Variants in MED12L observed in about 807,000 individuals in gnomAD.
MED12L encodes the protein mediator complex subunit 12L.
A neutral mutation model predicts 281.3 loss-of-function variants in MED12L; 60 were observed. That is an observed-to-expected ratio of 0.21 (90% CI 0.17 to 0.26). The LOEUF is 0.26. MED12L is among the 10% of genes least tolerant of loss of function. MED12L has a pLI of 1.00. For missense variants in MED12L, 2,146 were observed against 2,680.9 expected, an observed-to-expected ratio of 0.80 and a Z score of 4.41; for synonymous variants, 974 against 987.2, an observed-to-expected ratio of 0.99 and a Z score of 0.25.
intron 20 of MED12L, among the ~76,000 whole-genome samples, chr3:151,358,478 CT>C (rs1754207970): frequency 6.6e-6 from 1 of 152,096 alleles, no homozygotes; most frequent in Non-Finnish European, 1.5e-5. Flanking sequence ...CTTATTCATG[CT>C]GTTTAATCTA....
intron 16 of MED12L, chr3:151,213,139 C>T (rs1440161555): frequency 9.0e-6 from 5 of 557,138 alleles, no homozygotes; most frequent in Admixed American, 6.9e-5. Flanking sequence ...TTTGATGTTA[C>T]AAAAAAGCAT....
At chr3:151,162,028 C>A (rs190076660) in intron 8 of MED12L, among the ~76,000 whole-genome samples, 1 of 151,970 alleles carries the variant, frequency 6.6e-6, no homozygotes. Context: ...TTTTGAGAAA[C>A]GTGTTTATGA....
At chr3:151,194,348 G>C (rs1374381518) in intron 16 of MED12L, among the ~76,000 whole-genome samples, 1 of 152,160 alleles carries the variant, frequency 6.6e-6, no homozygotes, top group African/African-American at 2.4e-5. Flanking sequence ...TAGTCAGTAA[G>C]AGTTTTGAGG....
At chr3:151,153,445 A>G (rs1343417085) in intron 5 of MED12L, among the ~76,000 whole-genome samples, 1 of 152,160 alleles carries the variant, frequency 6.6e-6, no homozygotes, top group Admixed American at 6.5e-5. Flanking sequence ...GCCTGAATTT[A>G]GAACTGCTCT....
chr3:151,232,238 ATT>A (rs1731835967), intron 16 of MED12L, among the ~76,000 whole-genome samples: 2 of 152,164 alleles, frequency 1.3e-5, no homozygotes, highest in Non-Finnish European at 2.9e-5. Context: ...TACTTAAAAC[ATT>A]GTTTGTAGCT....
intron 16 of MED12L, 31 bp from the exon 17 acceptor site, chr3:151,350,028 A>G (rs1249530798): frequency 2.5e-6 from 4 of 1,597,982 alleles, no homozygotes; most frequent in South Asian, 1.1e-5. Context: ...CCTGCAGACA[A>G]GAGTTTCAGA....
intron 16 of MED12L, among the ~76,000 whole-genome samples, chr3:151,235,032 G>A (rs780019784): frequency 4.6e-5 from 7 of 152,220 alleles, no homozygotes; most frequent in Non-Finnish European, 1.0e-4. Flanking sequence ...TGTATGCGGT[G>A]GAGGTTGTGA....
intron 27 of MED12L, 85 bp downstream of exon 27, chr3:151,372,851 A>G (rs1756361840): frequency 1.0e-6 from 1 of 989,578 alleles, no homozygotes; most frequent in Admixed American, 2.4e-5. Flanking sequence ...AAACTTGTGC[A>G]TAGGTGGGCC....
At chr3:151,299,596 G>A (rs574144104) in intron 16 of MED12L, among the ~76,000 whole-genome samples, 9 of 150,900 alleles carry the variant, frequency 6.0e-5, no homozygotes, top group East Asian at 2.0e-4. Flanking sequence ...CCAGTGCCTC[G>A]GCCTCCTGAG....
chr3:151,242,091 G>C (rs1315264326), intron 16 of MED12L, among the ~76,000 whole-genome samples: 1 of 152,246 alleles, frequency 6.6e-6, no homozygotes, highest in African/African-American at 2.4e-5. Context: ...GGCACCACGA[G>C]ATTATATCCC....
rs528756184 is a variant in MED12L at position 151,113,541 on chromosome 3, G to A, written c.100-2797G>A. Among the ~76,000 whole-genome samples the A allele has an allele frequency of 6.6e-5, 10 of 152,362 alleles. No homozygotes were observed. In the East Asian group the frequency reaches 1.3e-3, roughly 21 times the overall value. On this transcript the variant is annotated intron_variant, in intron 2 of 44. Transcript: ENST00000687756. Reference sequence around the variant, plus strand: ...TGGCCTTCAGGGGGCAAGGGGAGAAGCTAGGAGACCAGTTAGGAGACATTG... The same window carrying A: ...TGGCCTTCAGGGGGCAAGGGGAGAAACTAGGAGACCAGTTAGGAGACATTG...
intron 5 of MED12L, among the ~76,000 whole-genome samples, chr3:151,145,925 C>G (rs1234195837): frequency 2.0e-5 from 3 of 152,218 alleles, no homozygotes; most frequent in Admixed American, 1.3e-4. Context: ...CAGTCACCTC[C>G]CTGATGGAGT....
chr3:151,304,042 T>G (rs1038559794), intron 16 of MED12L, among the ~76,000 whole-genome samples: 5 of 152,156 alleles, frequency 3.3e-5, no homozygotes, highest in Non-Finnish European at 7.3e-5. Flanking sequence ...AAAAAGGTCA[T>G]TGTTCATCTT....
intron 36 of MED12L, among the ~76,000 whole-genome samples, chr3:151,386,818 C>T (rs985774400): frequency 1.3e-5 from 2 of 152,114 alleles, no homozygotes; most frequent in African/African-American, 4.8e-5. Context: ...TCGTGATCCA[C>T]CTGCCTCAGC....
intron 21 of MED12L, among the ~76,000 whole-genome samples, chr3:151,364,053 A>C (rs139140244): frequency 3.9e-5 from 6 of 152,192 alleles, no homozygotes; most frequent in Non-Finnish European, 8.8e-5. Flanking sequence ...TTTTGCTGCC[A>C]AAAACTTAAT....
chr3:151,402,429 A>C (rs867953342), intron 39 of MED12L, among the ~76,000 whole-genome samples: 1 of 152,226 alleles, frequency 6.6e-6, no homozygotes, highest in African/African-American at 2.4e-5. Context: ...ATGTGTGGTT[A>C]ATCTGATGAT....
At chr3:151,406,241 T>C (rs1280486982) in intron 39 of MED12L, among the ~76,000 whole-genome samples, 1 of 152,242 alleles carries the variant, frequency 6.6e-6, no homozygotes, top group African/African-American at 2.4e-5. Context: ...TAGTTTCCTT[T>C]ATTATTCCCA....
rs1017782412 is a variant in MED12L at position 151,102,899 on chromosome 3, T to C, written c.100-13439T>C. 1.3e-4 allele frequency among the ~76,000 whole-genome samples: 20 copies of C among 152,210 alleles called. No individual in the cohort carries two copies. The East Asian group carries it at 1.4e-3, about 10-fold the overall frequency. Reference sequence around the variant, plus strand: ...ATGGAATTGAGGTGGGAAAGAAGGATAAAAGAAAGGAGCTACATAGTGGCT... The same window carrying C: ...ATGGAATTGAGGTGGGAAAGAAGGACAAAAGAAAGGAGCTACATAGTGGCT... On this transcript the variant is annotated intron_variant, in intron 2 of 44. Coordinates refer to ENST00000687756, the MANE Select transcript of MED12L (RefSeq NM_001393769.1).
chr3:151,095,874 CAAAAG>C (rs1393852463), intron 2 of MED12L, among the ~76,000 whole-genome samples: 2 of 152,114 alleles, frequency 1.3e-5, no homozygotes, highest in African/African-American at 2.4e-5. Context: ...GAGCCGATCT[CAAAAG>C]AAAGCCAGAT....
Sources: allele counts gnomAD v4.1 joint callset (sites outside exome capture counted in the v4.1 genomes callset), GRCh38; gene constraint gnomAD v4.1.1; transcripts MANE v1.5; gene names NCBI Gene and HGNC (gene_info 2026-07-23, HGNC 2026-07-21).